Variants in OR4Q3 observed in about 807,000 individuals in gnomAD.
The protein encoded by OR4Q3 is olfactory receptor 4Q3.
Under a neutral mutation model 18.8 loss-of-function variants are expected in OR4Q3, and 17 were observed. The observed-to-expected ratio is 0.91, with a 90% confidence interval of 0.62 to 1.36. The LOEUF (loss-of-function observed/expected upper bound fraction) is 1.36. Among genes scored for constraint, OR4Q3 ranks in the 40% most tolerant of loss-of-function variants. OR4Q3 has a pLI of 0.00. For synonymous variants in OR4Q3, 158 were observed against 145.8 expected, an observed-to-expected ratio of 1.08 and a Z score of -0.60; for missense variants, 378 against 373.4, an observed-to-expected ratio of 1.01 and a Z score of -0.10.
At chr14:19,748,557 T>A in exon 2 of OR4Q3, 10 of 544,382 alleles carry the variant, frequency 1.8e-5, no homozygotes, top group Non-Finnish European at 2.9e-5. Flanking sequence ...CACCTATGCC[T>A]TTTGACCATA....
exon 2 of OR4Q3, chr14:19,748,904 C>T: frequency 1.3e-5 from 2 of 154,930 alleles, no homozygotes; most frequent in Non-Finnish European, 2.9e-5. Flanking sequence ...TCCACAGTGT[C>T]CCAAGTTTTA....
At chr14:19,751,533 G>GT, downstream of OR4Q3, among the ~76,000 whole-genome samples, 1,477 of 147,262 alleles carry the variant, frequency 0.01, 7 homozygotes, top group East Asian at 0.03. Flanking sequence ...GGTTAGTAGA[G>GT]TTTTTTTTTT....
chr14:19,747,474 G>A, exon 2 of OR4Q3: 4 of 1,612,558 alleles, frequency 2.5e-6, no homozygotes, highest in Admixed American at 1.7e-5. Flanking sequence ...GTTCTTCTGG[G>A]CCTATCATCT....
chr14:19,744,932 C>A, intron 1 of OR4Q3, among the ~76,000 whole-genome samples: 1 of 152,116 alleles, frequency 6.6e-6, no homozygotes, highest in Non-Finnish European at 1.5e-5. Context: ...AACACAGAAG[C>A]TGGGAGATGA....
intron 1 of OR4Q3, among the ~76,000 whole-genome samples, chr14:19,745,094 A>G: frequency 6.6e-6 from 1 of 152,210 alleles, no homozygotes; most frequent in African/African-American, 2.4e-5. Context: ...ATTAAAACTC[A>G]AATAACTGAC....
intron 1 of OR4Q3, among the ~76,000 whole-genome samples, chr14:19,745,513 G>A: frequency 6.6e-6 from 1 of 152,060 alleles, no homozygotes; most frequent in African/African-American, 2.4e-5. Context: ...ACATTGTGTA[G>A]GATTATGTGT....
exon 2 of OR4Q3, chr14:19,748,256 A>G: frequency 6.2e-7 from 1 of 1,613,446 alleles, no homozygotes; most frequent in Non-Finnish European, 8.5e-7. Flanking sequence ...CTTGTTTTAC[A>G]CAGTGATTAC....
downstream of OR4Q3, chr14:19,749,604 C>A: frequency 3.5e-4 from 12 of 34,570 alleles, no homozygotes; most frequent in Admixed American, 1.1e-3. Flanking sequence ...GGTCTCAAAG[C>A]AAAAAAAAAA....
chr14:19,749,919 TTCTTTCTC>T, downstream of OR4Q3, among the ~76,000 whole-genome samples: 1 of 149,500 alleles, frequency 6.7e-6, no homozygotes, highest in African/African-American at 2.4e-5. Context: ...TTTTCTTTCT[TTCTTTCTC>T]TCTCTCTTTC....
intron 1 of OR4Q3, among the ~76,000 whole-genome samples, chr14:19,746,091 A>G: frequency 1.3e-5 from 2 of 151,938 alleles, no homozygotes; most frequent in Non-Finnish European, 2.9e-5. Flanking sequence ...TGCATTGTCT[A>G]TGTAAATACC....
chr14:19,750,966 G>A, downstream of OR4Q3, among the ~76,000 whole-genome samples: 40,704 of 149,430 alleles, frequency 0.27, 2,501 homozygotes, highest in Non-Finnish European at 0.32. Context: ...AGAGTACTGC[G>A]TGAGTTACAG....
At chr14:19,750,940 T>C, downstream of OR4Q3, among the ~76,000 whole-genome samples, 3 of 152,258 alleles carry the variant, frequency 2.0e-5, no homozygotes, top group African/African-American at 4.8e-5. Flanking sequence ...TATCCTGAAG[T>C]GCAGGAAACT....
chr14:19,748,369 A>G, exon 2 of OR4Q3: 26 of 1,590,062 alleles, frequency 1.6e-5, no homozygotes, highest in Non-Finnish European at 2.1e-5. Flanking sequence ...TGCCTTGTTA[A>G]GGAATGAGCA....
exon 2 of OR4Q3, chr14:19,748,135 G>T: frequency 6.2e-7 from 1 of 1,613,918 alleles, no homozygotes; most frequent in Non-Finnish European, 8.5e-7. Flanking sequence ...GCCAGAACAA[G>T]GTCTTCTCTA....
chr14:19,747,417 T>C, exon 2 of OR4Q3: 10 of 1,572,022 alleles, frequency 6.4e-6, no homozygotes, highest in Non-Finnish European at 8.7e-6. Flanking sequence ...TCACTTGATA[T>C]TCTTGGCTTG....
chr14:19,744,529 C>T lies in OR4Q3; in HGVS notation c.2+858C>T, dbSNP rs373093675. 1.7e-3 allele frequency among the ~76,000 whole-genome samples: 254 copies of T among 152,262 alleles called. 1 individual carries two copies. Among genetic ancestry groups the T allele is most frequent in the African/African-American group, 5.8e-3 (243 of 41,556 alleles). On this transcript the variant is annotated intron_variant, in intron 1 of 1. Coordinates refer to ENST00000642117, the Ensembl canonical transcript of OR4Q3. ...AGCTGCTTAGCTGTACACAAGTAGCCTTTGATATTTAAGGTGTTTTGGTTT... is the reference window on the plus strand; with the variant it reads ...AGCTGCTTAGCTGTACACAAGTAGCTTTTGATATTTAAGGTGTTTTGGTTT...
chr14:19,747,192 G>A, intron 1 of OR4Q3, among the ~76,000 whole-genome samples: 2 of 152,164 alleles, frequency 1.3e-5, no homozygotes, highest in African/African-American at 2.4e-5. Context: ...CTTGTTTATT[G>A]TGAATGCAAT....
downstream of OR4Q3, among the ~76,000 whole-genome samples, chr14:19,751,224 C>A: frequency 6.6e-6 from 1 of 152,210 alleles, no homozygotes; most frequent in African/African-American, 2.4e-5. Context: ...TTTCCAGGAA[C>A]AAAGCCTACT....
intron 1 of OR4Q3, among the ~76,000 whole-genome samples, chr14:19,744,628 T>A (rs1162343665): frequency 6.6e-6 from 1 of 152,200 alleles, no homozygotes; most frequent in Non-Finnish European, 1.5e-5. Flanking sequence ...TTTTTTTGGC[T>A]CATTTTGTGT....
Sources: gnomAD v4.1 joint callset for allele counts (sites outside exome capture counted in the v4.1 genomes callset) on GRCh38, gnomAD v4.1.1 for gene constraint, MANE v1.5 for transcripts, NCBI Gene and HGNC (gene_info 2026-07-23, HGNC 2026-07-21) for gene names.